Variants in GPR139 observed in about 807,000 individuals in gnomAD.
GPR139 encodes the protein G protein-coupled receptor 139.
Under a neutral mutation model 25.8 loss-of-function variants are expected in GPR139, and 12 were observed. The observed-to-expected ratio is 0.47, with a 90% CI of 0.30 to 0.75. The LOEUF is 0.75. GPR139 is among the 30% of genes least tolerant of loss of function. The probability of loss-of-function intolerance (pLI) is 0.07; values close to 1 mark genes in which losing one functional copy is unlikely to be tolerated. For missense variants in GPR139, 380 were observed against 450.2 expected, an observed-to-expected ratio of 0.84 and a Z score of 1.41; for synonymous variants, 184 against 179.9, an observed-to-expected ratio of 1.02 and a Z score of -0.18.
At chr16:20,047,316 G>A (rs1470382618) in intron 1 of GPR139, among the ~76,000 whole-genome samples, 2 of 152,104 alleles carry the variant, frequency 1.3e-5, no homozygotes, top group African/African-American at 4.8e-5. Context: ...TCACTATGTT[G>A]GCCAGGCTGG....
chr16:20,036,303 G>T (rs911490010), intron 1 of GPR139, among the ~76,000 whole-genome samples: 12 of 152,174 alleles, frequency 7.9e-5, no homozygotes, highest in Admixed American at 6.5e-4. Context: ...AAGAGTGCAG[G>T]ATCTGGGGCT....
At chr16:20,052,393 A>T (rs1003763701) in intron 1 of GPR139, among the ~76,000 whole-genome samples, 1 of 152,264 alleles carries the variant, frequency 6.6e-6, no homozygotes, top group African/African-American at 2.4e-5. Flanking sequence ...GAAATAAGAG[A>T]ACATGGAAAT....
rs1596462511 is a variant in GPR139 at position 20,031,544 on chromosome 16, G to A, written c.*191C>T. 1.3e-5 allele frequency: 8 copies of A among 595,760 alleles called. No homozygotes were observed. In the East Asian group the frequency reaches 1.9e-4, roughly 14 times the overall value. The allele number at this position is 595,760 out of a possible 1,614,324, so 36.9% of individuals were successfully genotyped here. ...CGACTCTGTGGAAATAAATGCATAA[G>A]TAAAAACAAGCTTCATGCTCTCCTT... On this transcript the variant is annotated 3_prime_UTR_variant, in exon 2 of 2. Coordinates refer to ENST00000570682, the MANE Select transcript of GPR139 (RefSeq NM_001002911.4).
chr16:20,034,546 A>G (rs1036043123), intron 1 of GPR139, among the ~76,000 whole-genome samples: 10 of 151,956 alleles, frequency 6.6e-5, no homozygotes, highest in Admixed American at 5.9e-4. Context: ...TTTCTTTTTC[A>G]GAGACCCGGT....
At chr16:20,066,852 A>G (rs1366371649) in intron 1 of GPR139, among the ~76,000 whole-genome samples, 1 of 152,234 alleles carries the variant, frequency 6.6e-6, no homozygotes, top group Non-Finnish European at 1.5e-5. Flanking sequence ...AAGTATTGTT[A>G]TTCCATCTCA....
At chr16:20,041,228 GAGGAGAGGAGAGGAGAGGAGA>G in intron 1 of GPR139, among the ~76,000 whole-genome samples, 1 of 5,082 alleles carries the variant, frequency 2.0e-4, no homozygotes, top group East Asian at 2.6e-3. Flanking sequence ...GAGGAGAGGA[GAGGAGAGGAGAGGAGAGGAGA>G]GGGAAGGAGA....
chr16:20,055,580 A>G (rs1013753303), intron 1 of GPR139, among the ~76,000 whole-genome samples: 2 of 152,218 alleles, frequency 1.3e-5, no homozygotes, highest in Non-Finnish European at 2.9e-5. Flanking sequence ...TTCAGAAAAA[A>G]CAGTTACTAC....
intron 1 of GPR139, among the ~76,000 whole-genome samples, chr16:20,059,254 C>T (rs2057402136): frequency 6.6e-6 from 1 of 152,188 alleles, no homozygotes; most frequent in South Asian, 2.1e-4. Flanking sequence ...ATCATGTCAA[C>T]CCTTCAAAGG....
Position 20,073,855 on chromosome 16 carries a change from G to C in GPR139, c.-239C>G. Reference sequence around the variant, plus strand: ...GGGCGCAGGGTGCGGGGCGCGCTGCGCGGGGCCTCGGGAGGGGCTCCCGGA... The same window carrying C: ...GGGCGCAGGGTGCGGGGCGCGCTGCCCGGGGCCTCGGGAGGGGCTCCCGGA... On this transcript the variant is annotated 5_prime_UTR_variant, in exon 1 of 2. Coordinates refer to ENST00000570682, the MANE Select transcript of GPR139 (RefSeq NM_001002911.4). The surrounding 1 kb of genome is among the most constrained non-coding windows in gnomAD (Gnocchi z 4.7). 1 of 469,072 alleles carries C rather than the reference G, an allele frequency of 2.1e-6. No individual in the cohort carries two copies. The highest frequency in any genetic ancestry group is 3.6e-6 in the Non-Finnish European group (1 of 275,102). 29.1% of individuals were successfully genotyped at this position (469,072 alleles called of 1,614,324 possible).
At chr16:20,071,639 T>C (rs1385789057) in intron 1 of GPR139, among the ~76,000 whole-genome samples, 1 of 152,218 alleles carries the variant, frequency 6.6e-6, no homozygotes, top group East Asian at 1.9e-4. Flanking sequence ...GCATAGTGCC[T>C]GGCATACAGT....
chr16:20,058,914 C>T (rs182384668), intron 1 of GPR139, among the ~76,000 whole-genome samples: 5 of 152,304 alleles, frequency 3.3e-5, no homozygotes, highest in South Asian at 2.1e-4. Context: ...GTGCCGCGGG[C>T]GCTTCCCACA....
intron 1 of GPR139, among the ~76,000 whole-genome samples, chr16:20,045,600 A>C (rs2141206343): frequency 6.6e-6 from 1 of 152,266 alleles, no homozygotes; most frequent in South Asian, 2.1e-4. Flanking sequence ...ATCAGCTGGC[A>C]CCTATGAGGC....
chr16:20,036,204 A>G (rs1022903786), intron 1 of GPR139, among the ~76,000 whole-genome samples: 3 of 152,180 alleles, frequency 2.0e-5, no homozygotes, highest in African/African-American at 4.8e-5. Context: ...TGACCTAATC[A>G]TATATAGTCA....
At chr16:20,071,106 A>G (rs1036081690) in intron 1 of GPR139, 2 of 487,418 alleles carry the variant, frequency 4.1e-6, no homozygotes, top group Non-Finnish European at 5.3e-6. Flanking sequence ...CTGCAGCAAC[A>G]TCCTTACTTC....
At chr16:20,056,987 G>C (rs1048956309) in intron 1 of GPR139, among the ~76,000 whole-genome samples, 2 of 152,202 alleles carry the variant, frequency 1.3e-5, no homozygotes, top group African/African-American at 4.8e-5. Context: ...CTTGGGGAGA[G>C]GGTAATGGGG....
Position 20,032,429 on chromosome 16 carries a change from G to A in GPR139, c.368C>T (p.Thr123Ile). 1 of 1,614,186 alleles carries A rather than the reference G, an allele frequency of 6.2e-7. No individual in the cohort carries two copies. The highest frequency in any genetic ancestry group is 8.5e-7 in the Non-Finnish European group (1 of 1,180,034). The change falls in exon 2 of 2, where the codon ACC becomes ATC. Residue 123 changes from threonine (T) to isoleucine (I), a missense_variant. Physicochemically the swap from Thr to Ile is moderately conservative, Grantham distance 89. Transcript: ENST00000570682. ...HTSIWITVPL[T>I]IDRYIAVCHP... ...GCAGACAGCGATATACCTGTCAATG[G>A]TTAACGGTACAGTAATCCATATGGA...
intron 1 of GPR139, among the ~76,000 whole-genome samples, chr16:20,038,181 C>G (rs1014213255): frequency 2.6e-5 from 4 of 152,142 alleles, no homozygotes; most frequent in East Asian, 3.9e-4. Flanking sequence ...TTTTCCCCCC[C>G]ATCCATTAAA....
chr16:20,045,948 G>A (rs997193613), intron 1 of GPR139, among the ~76,000 whole-genome samples: 6 of 152,152 alleles, frequency 3.9e-5, no homozygotes, highest in African/African-American at 9.7e-5. Flanking sequence ...TATTGGGTGC[G>A]AGGGGACCAA....
chr16:20,045,067 G>A (rs1027297582), intron 1 of GPR139, among the ~76,000 whole-genome samples: 3 of 146,510 alleles, frequency 2.0e-5, no homozygotes, highest in South Asian at 2.2e-4. Flanking sequence ...TGGTGCAATC[G>A]CGGCTCGCTG....
Sources: allele counts gnomAD v4.1 joint callset (sites outside exome capture counted in the v4.1 genomes callset), GRCh38; gene constraint gnomAD v4.1.1; non-coding constraint Gnocchi (gnomAD v3.1); transcripts MANE v1.5; gene names NCBI Gene and HGNC (gene_info 2026-07-23, HGNC 2026-07-21).